The following DOCK10 variants were observed in gnomAD, a reference collection of about 807,000 sequenced individuals.
DOCK10 encodes dedicator of cytokinesis protein 10.
A neutral mutation model predicts 280.1 loss-of-function variants in DOCK10; 145 were observed. The observed-to-expected ratio is 0.52, with a 90% confidence interval of 0.45 to 0.59. The LOEUF (loss-of-function observed/expected upper bound fraction) is 0.59. Among genes scored for constraint, DOCK10 ranks in the 20% least tolerant of loss-of-function variants. The pLI is 0.00. For missense variants in DOCK10, 2,368 were observed against 2,651.7 expected (o/e 0.89, Z 2.35); for synonymous variants, 915 against 942.2 (o/e 0.97, Z 0.53).
Position 224,856,908 on chromosome 2 carries a change from C to T in DOCK10, c.1760G>A (p.Ser587Asn). The T allele has an allele frequency of 6.2e-7, 1 of 1,612,590 alleles. No homozygotes were observed. The highest frequency in any genetic ancestry group is 1.1e-5 in the South Asian group (1 of 90,968). ...RFSPLFRQES[S>N]KISTEDLVKL... ...AACTAGGTCCTCAGTTGAAATCTTGCTACTTTCTTGTCTAAACAATGGTGA... is the reference window on the plus strand; with the variant it reads ...AACTAGGTCCTCAGTTGAAATCTTGTTACTTTCTTGTCTAAACAATGGTGA... The change falls in exon 15 of 56, where the codon AGC (serine) becomes AAC (asparagine). Residue 587 changes from serine to asparagine, a missense_variant. Physicochemically the swap from Ser to Asn is conservative, Grantham distance 46. Around this residue, in one of 2 missense-constraint regions of DOCK10, gnomAD observed 1,209 missense variants for 1,250.9 expected, o/e 0.97. Coordinates refer to ENST00000258390, the MANE Select transcript of DOCK10 (RefSeq NM_014689.3).
intron 23 of DOCK10, among the ~76,000 whole-genome samples, chr2:224,841,522 G>C (rs1327027481): frequency 6.6e-6 from 1 of 152,142 alleles, no homozygotes; most frequent in African/African-American, 2.4e-5. Context: ...TGATGGTAAT[G>C]TTGCAAGGAC....
In DOCK10 at chr2:224,801,963, G is replaced by A. The variant is rs1270929327; in HGVS notation, c.4346C>T (p.Ala1449Val). 2 of 1,613,046 alleles carry A rather than the reference G, an allele frequency of 1.2e-6. No homozygotes were observed. The highest frequency in any genetic ancestry group is 1.7e-6 in the Non-Finnish European group (2 of 1,179,246). Residue 1449 changes from alanine to valine, a missense_variant, in exon 40 of 56, where the codon GCA (alanine) becomes GTA (valine). Physicochemically the swap from Ala to Val is moderately conservative, Grantham distance 64. Around this residue, in one of 2 missense-constraint regions of DOCK10, gnomAD observed 1,159 missense variants for 1,400.8 expected, o/e 0.83. Coordinates refer to ENST00000258390, the MANE Select transcript of DOCK10 (RefSeq NM_014689.3). ...CTGTAAGAGTTTGGGGTTAGAAAGT[G>A]CATTTTTGCCTCGAATTATAGGTAA... ...QTLPIIRGKN[A>V]LSNPKLLQML...
chr2:224,916,870 T>C (rs1260088096), intron 2 of DOCK10, 86 bp from the exon 3 acceptor site: 1 of 972,384 alleles, frequency 1.0e-6, no homozygotes. Flanking sequence ...AAGGGAAGTC[T>C]TTTAGATCTT....
chr2:224,989,250 C>T (rs927311053), intron 1 of DOCK10, among the ~76,000 whole-genome samples: 1 of 152,178 alleles, frequency 6.6e-6, no homozygotes, highest in African/African-American at 2.4e-5. Context: ...GTTTCATCTT[C>T]CTTCTCTACC....
At position 224,784,978 on chromosome 2, in the gene DOCK10, C is replaced by T. The variant is rs138584746; in HGVS notation, c.5655+2044G>A. ...GTCATGTCTTGGTGACCCAGAAGCA[C>T]ATCTTTTGTGCTACTTCTGTGCTGC... On this transcript the variant is annotated intron_variant, in intron 50 of 55. Coordinates refer to ENST00000258390, the MANE Select transcript of DOCK10 (RefSeq NM_014689.3). Among the ~76,000 whole-genome samples, 79 of 152,262 alleles carry T rather than the reference C, an allele frequency of 5.2e-4. No individual in the cohort carries two copies. The East Asian group carries it at 0.013, about 26-fold the overall frequency.
chr2:224,862,571 A>C (rs1163580102), intron 14 of DOCK10, 93 bp downstream of exon 14: 1 of 997,784 alleles, frequency 1.0e-6, no homozygotes. Context: ...GACACATTAA[A>C]AATAATAGGC....
intron 1 of DOCK10, among the ~76,000 whole-genome samples, chr2:224,940,593 G>T (rs1218372029): frequency 6.6e-6 from 1 of 152,184 alleles, no homozygotes; most frequent in East Asian, 1.9e-4. Context: ...CCTGAAAATG[G>T]GGGCTTAAGA....
intron 1 of DOCK10, among the ~76,000 whole-genome samples, chr2:224,962,082 C>T (rs1053052628): frequency 2.4e-4 from 36 of 152,158 alleles, no homozygotes; most frequent in Admixed American, 2.6e-4. Flanking sequence ...CAGGGCAAGA[C>T]CTCTGCATCT....
At chr2:224,814,448 G>A in intron 30 of DOCK10, 84 bp from the exon 31 acceptor site, 1 of 661,524 alleles carries the variant, frequency 1.5e-6, no homozygotes, top group Non-Finnish European at 2.4e-6. Flanking sequence ...AGTTTATACT[G>A]AACAATTAAA....
rs372832595 is a variant in DOCK10 at position 224,876,079 on chromosome 2, A to G, written c.890T>C (p.Leu297Pro). The change falls in exon 8 of 56, where the codon CTC becomes CCC. Residue 297 changes from leucine (L) to proline (P), a missense_variant. Coordinates refer to ENST00000258390, the MANE Select transcript of DOCK10 (RefSeq NM_014689.3). Reference protein sequence around the residue: ...RILQISPEGPLQGRRSTELTD... With the variant: ...RILQISPEGPPQGRRSTELTD... ...GAGCTCTGTGCTCCTCCTCCCTTGGAGGGGCCCCTCAGGACTGATTTGCAG... is the reference window on the plus strand; with the variant it reads ...GAGCTCTGTGCTCCTCCTCCCTTGGGGGGGCCCCTCAGGACTGATTTGCAG... The G allele has an allele frequency of 2.4e-5, 38 of 1,613,614 alleles. No homozygotes were observed. In the South Asian group the frequency reaches 4.1e-4, roughly 17 times the overall value.
Position 224,908,922 on chromosome 2 carries a change from T to G in DOCK10, c.333+7773A>C, listed in dbSNP as rs1700838533. On this transcript the variant is annotated intron_variant, in intron 3 of 55. Coordinates refer to ENST00000258390, the MANE Select transcript of DOCK10 (RefSeq NM_014689.3). ...TCTACTCCCGCAGCAGCATTGGTTTTCAGAAATCAGAGAGGGCTTTGTTGT... is the reference window on the plus strand; with the variant it reads ...TCTACTCCCGCAGCAGCATTGGTTTGCAGAAATCAGAGAGGGCTTTGTTGT... 2.0e-5 allele frequency among the ~76,000 whole-genome samples: 3 copies of G among 152,220 alleles called. 1 individual carries two copies. In the South Asian group the frequency reaches 6.2e-4, roughly 32 times the overall value.
At chr2:224,994,359 T>C (rs1264781049) in intron 1 of DOCK10, among the ~76,000 whole-genome samples, 1 of 152,200 alleles carries the variant, frequency 6.6e-6, no homozygotes, top group Non-Finnish European at 1.5e-5. Context: ...AAGACTGCTG[T>C]GAGAATTAAG....
intron 28 of DOCK10, among the ~76,000 whole-genome samples, chr2:224,821,653 C>CT (rs1694512210): frequency 1.3e-5 from 2 of 151,932 alleles, no homozygotes; most frequent in Non-Finnish European, 2.9e-5. Context: ...GGTCTTTTCC[C>CT]TTTTTTAGAG....
intron 52 of DOCK10, among the ~76,000 whole-genome samples, chr2:224,774,007 C>G (rs1690645923): frequency 6.6e-6 from 1 of 152,162 alleles, no homozygotes; most frequent in Non-Finnish European, 1.5e-5. Context: ...TACACTAACC[C>G]ACAATACAGA....
rs1007860354 is a variant in DOCK10 at position 224,786,469 on chromosome 2, T to G, written c.5655+553A>C. On this transcript the variant is annotated intron_variant, in intron 50 of 55. Transcript: ENST00000258390. This position sits in a 1 kb window ranked among gnomAD's most constrained non-coding sequence, Gnocchi z 4.7. ...TATTTTCCATCTTCTTCATTGCTTATGCAGCAAACTGGGAAAAACAACTTT... is the reference window on the plus strand; with the variant it reads ...TATTTTCCATCTTCTTCATTGCTTAGGCAGCAAACTGGGAAAAACAACTTT... Among the ~76,000 whole-genome samples, 2 of 152,186 alleles carry G rather than the reference T, an allele frequency of 1.3e-5. No individual in the cohort carries two copies. Among genetic ancestry groups the G allele is most frequent in the African/African-American group, 2.4e-5 (1 of 41,444 alleles).
At chr2:224,817,115 C>T (rs1326533179) in intron 29 of DOCK10, among the ~76,000 whole-genome samples, 1 of 152,192 alleles carries the variant, frequency 6.6e-6, no homozygotes, top group African/African-American at 2.4e-5. Context: ...CAATGAGCTC[C>T]TACCATCCAG....
rs1703893331 is a variant in DOCK10 at position 224,953,806 on chromosome 2, A to G, written c.124-22138T>C. ...CCTTTGTGCCAATCTAATCGTATAC[A>G]GTATTTAGAAATTTCTTGGAAAATA... On this transcript the variant is annotated intron_variant, in intron 1 of 55. Transcript: ENST00000258390. Among the ~76,000 whole-genome samples the G allele has an allele frequency of 3.3e-5, 5 of 152,238 alleles. No individual in the cohort carries two copies. In the South Asian group the frequency reaches 1.0e-3, roughly 31 times the overall value.
intron 31 of DOCK10, among the ~76,000 whole-genome samples, chr2:224,813,782 CT>C (rs1693943786): frequency 6.6e-6 from 1 of 152,170 alleles, no homozygotes; most frequent in South Asian, 2.1e-4. Context: ...AATCACAGGG[CT>C]TCAGGCTAAA....
At chr2:224,810,307 G>T (rs2125247367) in intron 31 of DOCK10, among the ~76,000 whole-genome samples, 1 of 152,284 alleles carries the variant, frequency 6.6e-6, no homozygotes, top group East Asian at 1.9e-4. Context: ...TAGAAGCACA[G>T]AGTAGAAAGA....
Sources: allele counts gnomAD v4.1 joint callset (sites outside exome capture counted in the v4.1 genomes callset), GRCh38; gene constraint gnomAD v4.1.1; regional missense constraint gnomAD v4.1.1; non-coding constraint Gnocchi (gnomAD v3.1); transcripts MANE v1.5; gene names NCBI Gene and HGNC (gene_info 2026-07-23, HGNC 2026-07-21).